AP3D1: variants seen among roughly 807,000 people sequenced by gnomAD.
The protein encoded by AP3D1 is adaptor related protein complex 3 subunit delta 1.
In AP3D1, 51 loss-of-function variants were observed where a neutral mutation model predicts 147.6. The ratio of observed to expected loss-of-function variants is 0.35; its 90% CI spans 0.28 to 0.44. The LOEUF (loss-of-function observed/expected upper bound fraction) is 0.44, where lower values mean the gene tolerates loss of function less well. Among genes scored for constraint, AP3D1 ranks in the 20% least tolerant of loss-of-function variants. The pLI, the probability that AP3D1 is intolerant of heterozygous loss-of-function variation, is 1.00. For missense variants in AP3D1, 1,421 were observed against 1,624.2 expected (o/e 0.87, Z 2.15); for synonymous variants, 760 against 663.0 (o/e 1.15, Z -2.25).
chr19:2,140,555 A>G (rs966074967), intron 1 of AP3D1, among the ~76,000 whole-genome samples: 3 of 150,928 alleles, frequency 2.0e-5, no homozygotes, highest in Non-Finnish European at 4.4e-5. Context: ...TGCTCACTGC[A>G]GCCTCCACAC....
rs1286184030 is a variant in AP3D1, at chr19:2,121,891, G to C, written c.956-12C>G. 1 of 1,594,602 alleles carries C rather than the reference G, an allele frequency of 6.3e-7. No individual in the cohort carries two copies. Among genetic ancestry groups the C allele is most frequent in the Non-Finnish European group, 8.5e-7 (1 of 1,172,788 alleles). On this transcript the variant is annotated splice_polypyrimidine_tract_variant and intron_variant, in intron 11 of 31. Transcript: ENST00000643116. ...CCCCAGGTACTTCACTGCAGAGAGAGGCCAGAGCCGGGTCACTGGGACGGA... is the reference window on the plus strand; with the variant it reads ...CCCCAGGTACTTCACTGCAGAGAGACGCCAGAGCCGGGTCACTGGGACGGA...
In AP3D1 at chr19:2,114,782, C is replaced by T. The variant is rs375119361; in HGVS notation, c.2389G>A (p.Asp797Asn). 3 of 1,613,878 alleles carry T rather than the reference C, an allele frequency of 1.9e-6. No individual in the cohort carries two copies. The highest frequency in any genetic ancestry group is 1.6e-4 in the Middle Eastern group (1 of 6,084). Residue 797 changes from aspartate (D) to asparagine (N), a missense_variant, in exon 21 of 32, where the codon GAC (aspartate) becomes AAC (asparagine). By Grantham distance (23) the Asp-to-Asn change is conservative (BLOSUM62 1). Around this residue, in one of 6 missense-constraint regions of AP3D1, gnomAD observed 791 missense variants for 761.4 expected, o/e 1.04. Transcript: ENST00000643116. ...TCAATATCCAGAGCCCTGTAGGGGT[C>T]GTTGGGGTCTTTGTCATCCTCGTCG... Reference protein sequence around the residue: ...PSDEDDKDPNDPYRALDIDLD... With the variant: ...PSDEDDKDPNNPYRALDIDLD...
chr19:2,140,752 C>G (rs536201350), intron 1 of AP3D1, among the ~76,000 whole-genome samples: 1 of 140,852 alleles, frequency 7.1e-6, no homozygotes, highest in African/African-American at 2.6e-5. Context: ...CTCACACAAA[C>G]GTCTTTTTTT....
intron 20 of AP3D1, among the ~76,000 whole-genome samples, 192 bp downstream of exon 20, chr19:2,115,027 C>A (rs914056588): frequency 6.6e-6 from 1 of 152,194 alleles, no homozygotes; most frequent in Non-Finnish European, 1.5e-5. Context: ...GCCTCTGAAG[C>A]TGCTGGCCCT....
At chr19:2,104,570 T>C (rs564561462) in intron 31 of AP3D1, among the ~76,000 whole-genome samples, 6 of 150,532 alleles carry the variant, frequency 4.0e-5, no homozygotes, top group South Asian at 2.1e-4. Context: ...GCCAAGGCCA[T>C]TGGCAGAAAC....
chr19:2,105,201 G>GGGCA (rs2018076654), intron 31 of AP3D1, among the ~76,000 whole-genome samples: 3 of 152,200 alleles, frequency 2.0e-5, no homozygotes, highest in African/African-American at 7.2e-5. Context: ...GGGGCGTGAG[G>GGGCA]GGCAGCAGCC....
In AP3D1 at chr19:2,101,893, G is replaced by A. The variant is rs1245929647; in HGVS notation, c.*280C>T. 4 of 423,742 alleles carry A rather than the reference G, an allele frequency of 9.4e-6. No homozygotes were observed. The highest frequency in any genetic ancestry group is 1.7e-5 in the Non-Finnish European group (4 of 233,102). The allele number at this position is 423,742 out of a possible 1,614,324, so 26.2% of individuals were successfully genotyped here. On this transcript the variant is annotated 3_prime_UTR_variant, in exon 32 of 32. Coordinates refer to ENST00000643116, the MANE Select transcript of AP3D1 (RefSeq NM_001261826.3). ...CACATTCAAGGACTCGGCCCCCAGC[G>A]CGGGGCAGGGCACAGACCCAGGTGG...
Position 2,120,981 on chromosome 19 carries a change from G to A in AP3D1, c.1362C>T (p.Phe454=), listed in dbSNP as rs376667593. ...VAIRVKAIRK[F]AVSQMSALLD... ...GCAGCGCAGACATCTGGGACACGGCGAACTTGCGGATGGCCTTCACGCGGA... is the reference window on the plus strand; with the variant it reads ...GCAGCGCAGACATCTGGGACACGGCAAACTTGCGGATGGCCTTCACGCGGA... Residue 454 remains phenylalanine, a synonymous_variant, in exon 14 of 32, where the codon TTC becomes TTT. Transcript: ENST00000643116. The A allele has an allele frequency of 1.2e-5, 19 of 1,612,034 alleles. No homozygotes were observed. The highest frequency in any genetic ancestry group is 4.0e-5 in the African/African-American group (3 of 74,946).
chr19:2,143,048 G>A (rs1243689394), intron 1 of AP3D1, among the ~76,000 whole-genome samples: 1 of 151,870 alleles, frequency 6.6e-6, no homozygotes, highest in Non-Finnish European at 1.5e-5. Flanking sequence ...ACAGGAGTGA[G>A]CCACCACGCC....
At chr19:2,141,614 G>C (rs965151968) in intron 1 of AP3D1, among the ~76,000 whole-genome samples, 26 of 151,914 alleles carry the variant, frequency 1.7e-4, no homozygotes, top group African/African-American at 6.3e-4. Context: ...GCTAATTTTT[G>C]CATTTTTAGC....
upstream of AP3D1, among the ~76,000 whole-genome samples, chr19:2,153,608 G>A (rs71337087): frequency 0.024 from 3,628 of 151,816 alleles, 58 homozygotes; most frequent in Middle Eastern, 0.038. Context: ...CCAGGGGGCG[G>A]AGGTTGCAGT....
At position 2,151,266 on chromosome 19, in the gene AP3D1, G is replaced by A. The variant is rs2019502092; in HGVS notation, c.69C>T (p.Arg23=). ...CGTCCTCCTTGTGGTTACGGATGCC[G>A]CGGACCAAGTCCTGCAGATTCTTGT... ...MFDKNLQDLV[R]GIRNHKEDEA... is the part of the protein sequence containing the mutation. The change falls in exon 1 of 32, where the codon CGC becomes CGT. Residue 23 remains arginine (R), a synonymous_variant. Coordinates refer to ENST00000643116, the MANE Select transcript of AP3D1 (RefSeq NM_001261826.3). 2.5e-6 allele frequency: 4 copies of A among 1,611,694 alleles called. No individual in the cohort carries two copies. Among genetic ancestry groups the A allele is most frequent in the African/African-American group, 2.7e-5 (2 of 74,576 alleles).
intron 4 of AP3D1, among the ~76,000 whole-genome samples, chr19:2,133,205 C>T (rs1013552067): frequency 2.0e-5 from 3 of 152,140 alleles, no homozygotes; most frequent in Non-Finnish European, 4.4e-5. Context: ...GGTCCCTTTC[C>T]GCAACAACTG....
chr19:2,127,463 C>A (rs747431165), intron 8 of AP3D1, among the ~76,000 whole-genome samples: 1 of 152,146 alleles, frequency 6.6e-6, no homozygotes, highest in Non-Finnish European at 1.5e-5. Flanking sequence ...CACGCACCCC[C>A]GGCGGCCTGT....
chr19:2,135,675 CA>C (rs1278820590), intron 4 of AP3D1, among the ~76,000 whole-genome samples: 1 of 152,226 alleles, frequency 6.6e-6, no homozygotes, highest in African/African-American at 2.4e-5. Context: ...GGGCAGGCAC[CA>C]GGTCAGAGCC....
intron 1 of AP3D1, among the ~76,000 whole-genome samples, chr19:2,150,349 C>T (rs2019473082): frequency 6.6e-6 from 1 of 152,216 alleles, no homozygotes; most frequent in African/African-American, 2.4e-5. Flanking sequence ...CACGGGTATC[C>T]TTAATGAAGC....
At chr19:2,128,454 G>T (rs1014919243) in intron 8 of AP3D1, among the ~76,000 whole-genome samples, 5 of 126,040 alleles carry the variant, frequency 4.0e-5, no homozygotes, top group Admixed American at 3.8e-4. Context: ...ACTGCACCCC[G>T]TGGAGCCGGC....
chr19:2,149,932 C>T (rs1164483558), intron 1 of AP3D1, among the ~76,000 whole-genome samples: 1 of 152,232 alleles, frequency 6.6e-6, no homozygotes, highest in Non-Finnish European at 1.5e-5. Flanking sequence ...GAACATTACT[C>T]CAGTTAGTTA....
intron 29 of AP3D1, 46 bp downstream of exon 29, chr19:2,109,827 A>G (rs1242601833): frequency 6.4e-7 from 1 of 1,563,874 alleles, no homozygotes; most frequent in South Asian, 1.1e-5. Flanking sequence ...GGTAGAGGGG[A>G]GGCGGAGGGG....
Sources: gnomAD v4.1 joint callset for allele counts (sites outside exome capture counted in the v4.1 genomes callset) on GRCh38, gnomAD v4.1.1 for gene constraint, gnomAD v4.1.1 regional missense constraint, MANE v1.5 for transcripts, NCBI Gene and HGNC (gene_info 2026-07-23, HGNC 2026-07-21) for gene names.